The following SYNE2 variants were observed in gnomAD, a reference collection of about 807,000 sequenced individuals.
The protein encoded by SYNE2 is nesprin-2.
Under a neutral mutation model 856.3 loss-of-function variants are expected in SYNE2, and 431 were observed. The ratio of observed to expected loss-of-function variants is 0.50; its 90% confidence interval spans 0.47 to 0.55. The LOEUF is 0.55. Ranked by LOEUF, SYNE2 falls within the 20% of genes least tolerant of loss-of-function variation. The pLI, the probability that SYNE2 is intolerant of heterozygous loss-of-function variation, is 0.00. For synonymous variants in SYNE2, 2,923 were observed against 2,872.3 expected, an observed-to-expected ratio of 1.02 and a Z score of -0.56; for missense variants, 8,129 against 8,023.2, an observed-to-expected ratio of 1.01 and a Z score of -0.50.
At chr14:63,821,683 G>A (rs1889220418) in intron 1 of SYNE2, among the ~76,000 whole-genome samples, 1 of 151,314 alleles carries the variant, frequency 6.6e-6, no homozygotes, top group Non-Finnish European at 1.5e-5. Context: ...AACCTGGGAG[G>A]CAGAGGTTGC....
chr14:63,851,925 T>C (rs1282415250), upstream of SYNE2, among the ~76,000 whole-genome samples: 2 of 132,282 alleles, frequency 1.5e-5, no homozygotes. Context: ...TCTAAAAAAA[T>C]GCAAAAATTA....
chr14:64,142,832 GTGA>G (rs1364086911), intron 82 of SYNE2, among the ~76,000 whole-genome samples: 1 of 152,190 alleles, frequency 6.6e-6, no homozygotes, highest in East Asian at 1.9e-4. Context: ...GGCCTTCTCT[GTGA>G]TATTTAATTT....
chr14:64,087,584 TTTCAATTTTCTC>T (rs2097573713), intron 57 of SYNE2, 75 bp from the exon 58 acceptor site: 1 of 1,424,618 alleles, frequency 7.0e-7, no homozygotes, highest in East Asian at 2.3e-5. Context: ...TTGAGATAAC[TTTCAATTTTCTC>T]TGATTTAAAT....
At chr14:63,868,287 T>TA (rs1895949721) in intron 1 of SYNE2, among the ~76,000 whole-genome samples, 1 of 151,802 alleles carries the variant, frequency 6.6e-6, no homozygotes, top group East Asian at 1.9e-4. Context: ...CAAGCCTGAG[T>TA]AACATGGCAA....
At chr14:64,021,810 T>G in intron 36 of SYNE2, 47 bp from the exon 37 acceptor site, 1 of 1,595,348 alleles carries the variant, frequency 6.3e-7, no homozygotes, top group Non-Finnish European at 8.6e-7. Context: ...TTGTGTAATT[T>G]GAGCCTGTTT....
In SYNE2 at chr14:64,165,033, T is replaced by G. The variant is rs4027395; in HGVS notation, c.16480-252T>G. On this transcript the variant is annotated intron_variant, in intron 89 of 115. Transcript: ENST00000555002. ...CTCCCAAAAAGCTGGGACCACAGGC[T>G]CACACCACTATGCCCAGCTAATTTT... Among the ~76,000 whole-genome samples the G allele has an allele frequency of 0.51, 77,382 of 151,384 alleles. 21,316 individuals carry two copies. The highest frequency in any genetic ancestry group is 0.74 in the African/African-American group (30,680 of 41,248).
At chr14:63,783,232 G>A (rs1409494333) in intron 1 of SYNE2, among the ~76,000 whole-genome samples, 1 of 152,162 alleles carries the variant, frequency 6.6e-6, no homozygotes, top group Non-Finnish European at 1.5e-5. Context: ...TTCCTCCTGC[G>A]CTAATTCTCC....
chr14:63,954,130 A>G (rs532793697), intron 7 of SYNE2, among the ~76,000 whole-genome samples: 22 of 152,288 alleles, frequency 1.4e-4, no homozygotes, highest in African/African-American at 5.1e-4. Context: ...TGTATATACC[A>G]CATTTTGTTT....
At chr14:64,186,777 C>G (rs1198840329) in intron 97 of SYNE2, among the ~76,000 whole-genome samples, 198 bp downstream of exon 97, 2 of 152,200 alleles carry the variant, frequency 1.3e-5, no homozygotes, top group African/African-American at 4.8e-5. Flanking sequence ...GCACTAAATG[C>G]TAGAACTTTG....
At chr14:63,861,044 G>A (rs1247139350) in intron 1 of SYNE2, among the ~76,000 whole-genome samples, 1 of 152,060 alleles carries the variant, frequency 6.6e-6, no homozygotes, top group African/African-American at 2.4e-5. Context: ...GCATGCTCCA[G>A]ACTGTGAACC....
chr14:63,801,385 A>G (rs1888120923), intron 1 of SYNE2, among the ~76,000 whole-genome samples: 1 of 152,182 alleles, frequency 6.6e-6, no homozygotes, highest in Non-Finnish European at 1.5e-5. Context: ...TTAAAAAAAA[A>G]GATAAACTGG....
At chr14:64,209,253 C>T (rs947263802) in intron 101 of SYNE2, 175 bp from the exon 102 acceptor site, 2 of 1,096,374 alleles carry the variant, frequency 1.8e-6, no homozygotes, top group African/African-American at 1.6e-5. Flanking sequence ...GAGCTCTGAG[C>T]TGCTTGGCGC....
chr14:64,029,716 G>C (rs1243915090), intron 43 of SYNE2, among the ~76,000 whole-genome samples, 179 bp from the exon 44 acceptor site: 1 of 152,160 alleles, frequency 6.6e-6, no homozygotes, highest in Non-Finnish European at 1.5e-5. Flanking sequence ...TTGCGGGGGA[G>C]ATGGAGACTT....
rs2096582067 is a variant in SYNE2 at position 63,981,090 on chromosome 14, C to T, written c.1753C>T (p.Leu585=). Residue 585 remains leucine, a synonymous_variant, in exon 16 of 116, where the codon CTG becomes TTG. Coordinates refer to ENST00000555002, the MANE Select transcript of SYNE2 (RefSeq NM_182914.3). ...YNVKSTLQKV[L]ACWATYVENL... ...TGTGAAGTCCACTCTACAAAAAGTG[C>T]TGGCATGTTGGGCTACTTATGTGGA... The T allele has an allele frequency of 6.2e-7, 1 of 1,613,220 alleles. No individual in the cohort carries two copies. Among genetic ancestry groups the T allele is most frequent in the Admixed American group, 1.7e-5 (1 of 59,976 alleles).
chr14:63,995,309 A>C (rs1434480627), intron 23 of SYNE2, 107 bp downstream of exon 23: 1 of 908,078 alleles, frequency 1.1e-6, no homozygotes, highest in Non-Finnish European at 1.7e-6. Context: ...AAATTACCCT[A>C]GCCCTCCTCT....
intron 66 of SYNE2, among the ~76,000 whole-genome samples, chr14:64,115,627 A>C (rs1047290363): frequency 2.6e-5 from 4 of 152,220 alleles, no homozygotes; most frequent in Non-Finnish European, 5.9e-5. Context: ...GCTGCATTTA[A>C]AGCCGTCAAA....
chr14:64,017,345 A>G (rs1480530599), intron 33 of SYNE2, among the ~76,000 whole-genome samples: 1 of 151,388 alleles, frequency 6.6e-6, no homozygotes, highest in Non-Finnish European at 1.5e-5. Context: ...AAAAAAAAAA[A>G]AAAAAAAAGA....
At chr14:63,924,573 G>A (rs527918013) in intron 2 of SYNE2, among the ~76,000 whole-genome samples, 1 of 152,216 alleles carries the variant, frequency 6.6e-6, no homozygotes, top group African/African-American at 2.4e-5. Context: ...AAGTCTTGCA[G>A]TTCTTTTGTT....
At chr14:64,170,142 A>T (rs2098403768) in intron 93 of SYNE2, 86 bp from the exon 94 acceptor site, 1 of 1,285,750 alleles carries the variant, frequency 7.8e-7, no homozygotes, top group African/African-American at 1.5e-5. Flanking sequence ...ACTTATAAAA[A>T]CTGAATCTGA....
Sources: gnomAD v4.1 joint callset for allele counts (sites outside exome capture counted in the v4.1 genomes callset) on GRCh38, gnomAD v4.1.1 for gene constraint, MANE v1.5 for transcripts, NCBI Gene and HGNC (gene_info 2026-07-23, HGNC 2026-07-21) for gene names.